The following DDR2 variants were observed in gnomAD, a reference collection of about 807,000 sequenced individuals.
DDR2 encodes the protein discoidin domain receptor tyrosine kinase 2, also known as discoidin domain-containing receptor 2.
Under a neutral mutation model 94.9 loss-of-function variants are expected in DDR2, and 27 were observed. The ratio of observed to expected loss-of-function variants is 0.28; its 90% CI spans 0.21 to 0.39. The LOEUF is 0.39. Ranked by LOEUF, DDR2 falls within the 10% of genes least tolerant of loss-of-function variation. The pLI is 1.00. For missense variants in DDR2, 783 were observed against 1,076.0 expected, an observed-to-expected ratio of 0.73 and a Z score of 3.81; for synonymous variants, 382 against 377.2, an observed-to-expected ratio of 1.01 and a Z score of -0.15.
rs1182091068 is a variant in DDR2, at chr1:162,728,035, CTA to C, written c.82+8898_82+8899del. 2.3e-3 allele frequency among the ~76,000 whole-genome samples: 296 copies of C among 127,614 alleles called. 2 individuals are homozygous for C. Among genetic ancestry groups the C allele is most frequent in the African/African-American group, 8.6e-3 (284 of 33,004 alleles). The allele number at this position is 127,614 out of a possible 152,430, so 83.7% of individuals were successfully genotyped here. A position where few individuals can be genotyped will look rare whatever the true frequency, so the allele number is the denominator to read the frequency against. On this transcript the variant is annotated intron_variant, in intron 3 of 17. Coordinates refer to ENST00000367921, the MANE Select transcript of DDR2 (RefSeq NM_006182.4). ...ATAGATATAATCACACTATATATAT[CTA>C]TATATATCTATATATAGATATAATC...
chr1:162,767,066 C>CA, intron 10 of DDR2, among the ~76,000 whole-genome samples, 163 bp from the exon 11 acceptor site: 1 of 148,038 alleles, frequency 6.8e-6, no homozygotes, highest in Non-Finnish European at 1.5e-5. Context: ...AGCAAGAAAA[C>CA]AAAACAGTAG....
chr1:162,767,491 A>G (rs190512380), intron 11 of DDR2, 132 bp downstream of exon 11: 110 of 1,351,052 alleles, frequency 8.1e-5, no homozygotes, highest in South Asian at 1.3e-5. Context: ...ACCAAGAAAC[A>G]TAGGAATGAA....
chr1:162,651,438 C>G (rs1173230623), intron 1 of DDR2, among the ~76,000 whole-genome samples: 1 of 152,196 alleles, frequency 6.6e-6, no homozygotes, highest in Non-Finnish European at 1.5e-5. Context: ...AGAGTCAGCT[C>G]AAATAATGGC....
At chr1:162,670,447 T>C (rs919069082) in intron 2 of DDR2, among the ~76,000 whole-genome samples, 5 of 152,182 alleles carry the variant, frequency 3.3e-5, no homozygotes, top group Non-Finnish European at 4.4e-5. Flanking sequence ...TGAATCAGGC[T>C]CGTTCAGGTT....
intron 3 of DDR2, among the ~76,000 whole-genome samples, chr1:162,744,410 C>A (rs1365013355): frequency 6.6e-6 from 1 of 152,138 alleles, no homozygotes; most frequent in Non-Finnish European, 1.5e-5. Flanking sequence ...AATATTTACC[C>A]TTCTATGGCT....
chr1:162,642,202 C>T (rs1487374073), intron 1 of DDR2, among the ~76,000 whole-genome samples: 3 of 152,112 alleles, frequency 2.0e-5, no homozygotes, highest in African/African-American at 4.8e-5. Flanking sequence ...GGTGATCCAC[C>T]CGCCATGGCT....
chr1:162,766,143 C>T (rs1663978912), intron 10 of DDR2, 80 bp downstream of exon 10: 3 of 1,504,794 alleles, frequency 2.0e-6, no homozygotes, highest in Admixed American at 1.7e-5. Context: ...TTGCAAAGCC[C>T]TGGCTGTGTG....
Position 162,762,916 on chromosome 1 carries a change from A to G in DDR2, c.1099+1462A>G, listed in dbSNP as rs140887445. ...CAGTGGTGTGATCTTGGCTCACTGCAACCCCCGCCTCCCGGGATCGAGTGA... is the reference window on the plus strand; with the variant it reads ...CAGTGGTGTGATCTTGGCTCACTGCGACCCCCGCCTCCCGGGATCGAGTGA... On this transcript the variant is annotated intron_variant, in intron 9 of 17. Transcript: ENST00000367921. Among the ~76,000 whole-genome samples the G allele has an allele frequency of 6.3e-3, 961 of 152,220 alleles. 6 individuals carry two copies. Among genetic ancestry groups the G allele is most frequent in the African/African-American group, 0.022 (918 of 41,550 alleles).
chr1:162,744,145 T>C (rs893809009), intron 3 of DDR2, among the ~76,000 whole-genome samples: 1 of 152,220 alleles, frequency 6.6e-6, no homozygotes, highest in African/African-American at 2.4e-5. Context: ...ATAATCATAA[T>C]GATGATGACT....
At chr1:162,701,073 G>GAA (rs397738963) in intron 2 of DDR2, among the ~76,000 whole-genome samples, 341 of 143,572 alleles carry the variant, frequency 2.4e-3, no homozygotes, top group South Asian at 4.4e-3. Context: ...AAGAAGAACT[G>GAA]AAAAAAAAAA....
At position 162,780,584 on chromosome 1, in the gene DDR2, G is replaced by A. The variant is rs1446236541; in HGVS notation, c.*338G>A. The A allele has an allele frequency of 8.5e-6, 2 of 235,116 alleles. No homozygotes were observed. The highest frequency in any genetic ancestry group is 1.7e-4 in the East Asian group (2 of 11,824). 14.6% of individuals were successfully genotyped at this position (235,116 alleles called of 1,614,324 possible). A position where few individuals can be genotyped will look rare whatever the true frequency, so the allele number is the denominator to read the frequency against. On this transcript the variant is annotated 3_prime_UTR_variant, in exon 18 of 18. Coordinates refer to ENST00000367921, the MANE Select transcript of DDR2 (RefSeq NM_006182.4). ...TAACTATACTTGTGCTTATAAATGT[G>A]CAGATTCTACAATATTTTTCCATGT...
intron 2 of DDR2, among the ~76,000 whole-genome samples, chr1:162,692,760 A>G (rs925133548): frequency 6.6e-6 from 1 of 152,248 alleles, no homozygotes; most frequent in Non-Finnish European, 1.5e-5. Context: ...GAACATTTGC[A>G]TACTCTATGA....
rs1180962307 is a variant in DDR2 at position 162,656,844 on chromosome 1, TTTTTTATTTTTTTTG to T, written c.-28+1473_-28+1487del. On this transcript the variant is annotated intron_variant, in intron 2 of 17. Transcript: ENST00000367921. ...CCCCTGCCACTGGAGTTTTTTTTTT[TTTTTTATTTTTTTTG>T]TTAACAGGGTTTTGCTCTGTCACCC... 4.9e-5 allele frequency among the ~76,000 whole-genome samples: 6 copies of T among 121,318 alleles called. 1 individual carries two copies. The highest frequency in any genetic ancestry group is 2.4e-4 in the East Asian group (1 of 4,188). 79.6% of individuals were successfully genotyped at this position (121,318 alleles called of 152,430 possible). A position where few individuals can be genotyped will look rare whatever the true frequency, so the allele number is the denominator to read the frequency against.
intron 2 of DDR2, among the ~76,000 whole-genome samples, chr1:162,676,175 G>T (rs1659111425): frequency 6.6e-6 from 1 of 151,778 alleles, no homozygotes; most frequent in Non-Finnish European, 1.5e-5. Context: ...GTCAAGAATG[G>T]TGTCTAACAC....
intron 2 of DDR2, among the ~76,000 whole-genome samples, chr1:162,712,977 A>G (rs1660988402): frequency 6.6e-6 from 1 of 152,182 alleles, no homozygotes; most frequent in Non-Finnish European, 1.5e-5. Flanking sequence ...AGCACAATGA[A>G]TGGGAAGCAC....
chr1:162,780,452 A>C lies in DDR2; in HGVS notation c.*206A>C, dbSNP rs1466111757. 4 of 654,362 alleles carry C rather than the reference A, an allele frequency of 6.1e-6. No homozygotes were observed. In the African/African-American group the frequency reaches 7.3e-5, roughly 12 times the overall value. The allele number at this position is 654,362 out of a possible 1,614,324, so 40.5% of individuals were successfully genotyped here. On this transcript the variant is annotated 3_prime_UTR_variant, in exon 18 of 18. Transcript: ENST00000367921. Reference sequence around the variant, plus strand: ...TTTTTTTTACATTAAAGAACTAAAAAAGGAAAAAAAAAAGCCTAGGGCAGA... The same window carrying C: ...TTTTTTTTACATTAAAGAACTAAAACAGGAAAAAAAAAAGCCTAGGGCAGA...
intron 3 of DDR2, among the ~76,000 whole-genome samples, chr1:162,735,205 A>G (rs1662236287): frequency 6.6e-6 from 1 of 152,184 alleles, no homozygotes; most frequent in Non-Finnish European, 1.5e-5. Context: ...TGACTCAGGG[A>G]GAGCCTTTCC....
intron 1 of DDR2, among the ~76,000 whole-genome samples, chr1:162,639,034 C>T (rs113224146): frequency 1.1e-3 from 172 of 151,818 alleles, no homozygotes; most frequent in African/African-American, 3.6e-3. Flanking sequence ...GGCGCAATCT[C>T]GGCTCAGTGC....
chr1:162,653,686 G>C (rs1292627461), intron 1 of DDR2, among the ~76,000 whole-genome samples: 3 of 152,122 alleles, frequency 2.0e-5, no homozygotes, highest in Non-Finnish European at 4.4e-5. Context: ...GGAGAGGCTG[G>C]TTGTTGTAAA....
Sources: gnomAD v4.1 joint callset for allele counts (sites outside exome capture counted in the v4.1 genomes callset) on GRCh38, gnomAD v4.1.1 for gene constraint, MANE v1.5 for transcripts, NCBI Gene and HGNC (gene_info 2026-07-23, HGNC 2026-07-21) for gene names.